The following MAP3K1 variants were observed in gnomAD, a reference collection of about 807,000 sequenced individuals.
MAP3K1 encodes mitogen-activated protein kinase kinase kinase 1.
Under a neutral mutation model 144.2 loss-of-function variants are expected in MAP3K1, and 36 were observed. That is an observed-to-expected ratio of 0.25 (90% CI 0.19 to 0.33). MAP3K1 has a LOEUF of 0.33. Among genes scored for constraint, MAP3K1 ranks in the 10% least tolerant of loss-of-function variants. The pLI, the probability that MAP3K1 is intolerant of heterozygous loss-of-function variation, is 1.00. For missense variants in MAP3K1, 1,650 were observed against 1,881.9 expected (o/e 0.88, Z 2.28); for synonymous variants, 718 against 688.7 (o/e 1.04, Z -0.67).
intron 1 of MAP3K1, among the ~76,000 whole-genome samples, chr5:56,852,434 C>G (rs1432115269): frequency 2.0e-5 from 3 of 152,116 alleles, no homozygotes; most frequent in Non-Finnish European, 4.4e-5. Context: ...GAAACCTAAC[C>G]TCAGGGAGTA....
chr5:56,875,011 C>G (rs1228429185), intron 9 of MAP3K1, 21 bp from the exon 10 acceptor site: 2 of 1,613,592 alleles, frequency 1.2e-6, no homozygotes, highest in Non-Finnish European at 1.7e-6. Flanking sequence ...ACATTGAATT[C>G]ATCGTGTGTG....
At chr5:56,888,436 T>C in intron 19 of MAP3K1, 79 bp downstream of exon 19, 1 of 1,211,846 alleles carries the variant, frequency 8.3e-7, no homozygotes, top group Middle Eastern at 1.9e-4. Context: ...TTTGATGGGT[T>C]CTCCCTAACA....
chr5:56,842,965 A>G (rs890457500), intron 1 of MAP3K1, among the ~76,000 whole-genome samples: 3 of 152,058 alleles, frequency 2.0e-5, no homozygotes, highest in African/African-American at 7.2e-5. Flanking sequence ...CTTCTTCTGT[A>G]TGTGGTATGG....
At chr5:56,837,895 G>A (rs1189039703) in intron 1 of MAP3K1, among the ~76,000 whole-genome samples, 2 of 152,184 alleles carry the variant, frequency 1.3e-5, no homozygotes, top group Non-Finnish European at 2.9e-5. Flanking sequence ...TGGCCAGTGG[G>A]GGAGGCTGAA....
chr5:56,827,616 T>C (rs252918), intron 1 of MAP3K1, among the ~76,000 whole-genome samples: 152,159 of 152,370 alleles, frequency 1, 75,975 homozygotes, highest in Non-Finnish European at 1. Context: ...GTAATCCCAG[T>C]ACTTTGGGAG....
chr5:56,856,576 T>C (rs1399864675), intron 1 of MAP3K1, 24 bp from the exon 2 acceptor site: 2 of 1,595,086 alleles, frequency 1.3e-6, no homozygotes, highest in Non-Finnish European at 1.7e-6. Context: ...TTTCTCATTT[T>C]ATTTGTTTCT....
At chr5:56,871,279 T>G (rs920454699) in intron 6 of MAP3K1, among the ~76,000 whole-genome samples, 1 of 152,180 alleles carries the variant, frequency 6.6e-6, no homozygotes, top group Non-Finnish European at 1.5e-5. Context: ...TGGCATTCAT[T>G]TGGTTGTTTT....
At chr5:56,887,649 C>T (rs781472502) in intron 18 of MAP3K1, 129 bp downstream of exon 18, 46 of 969,726 alleles carry the variant, frequency 4.7e-5, no homozygotes, top group Non-Finnish European at 6.6e-5. Flanking sequence ...CCTTAAAATA[C>T]GGTTTTAATA....
chr5:56,850,550 A>G (rs1747138167), intron 1 of MAP3K1, among the ~76,000 whole-genome samples: 2 of 152,198 alleles, frequency 1.3e-5, no homozygotes, highest in South Asian at 2.1e-4. Context: ...ATTATTATCA[A>G]ATAGGTATCA....
intron 19 of MAP3K1, among the ~76,000 whole-genome samples, chr5:56,891,097 G>A (rs1748535250): frequency 6.6e-6 from 1 of 151,158 alleles, no homozygotes; most frequent in African/African-American, 2.4e-5. Context: ...TCTTAAGTCT[G>A]TGAATATATT....
At chr5:56,864,311 C>T (rs1022861151) in intron 3 of MAP3K1, among the ~76,000 whole-genome samples, 2 of 151,432 alleles carry the variant, frequency 1.3e-5, no homozygotes, top group Non-Finnish European at 2.9e-5. Flanking sequence ...TATTTTAAAT[C>T]TGACATTTTT....
intron 1 of MAP3K1, among the ~76,000 whole-genome samples, chr5:56,816,759 TA>T: frequency 6.6e-6 from 1 of 152,326 alleles, no homozygotes; most frequent in South Asian, 2.1e-4. Flanking sequence ...TGCAGTCTTT[TA>T]GGAAGTGCGG....
At chr5:56,873,517 A>T (rs1747924009) in intron 9 of MAP3K1, among the ~76,000 whole-genome samples, 1 of 152,090 alleles carries the variant, frequency 6.6e-6, no homozygotes, top group Non-Finnish European at 1.5e-5. Context: ...CCATCCCTTT[A>T]CCATCTCTTC....
chr5:56,894,562 T>C lies in MAP3K1; in HGVS notation c.*882T>C. 4.3e-6 allele frequency: 1 copy of C among 232,686 alleles called. No individual in the cohort carries two copies. The highest frequency in any genetic ancestry group is 8.5e-6 in the Non-Finnish European group (1 of 117,694). 14.4% of individuals were successfully genotyped at this position (232,686 alleles called of 1,614,324 possible). ...ACTAAAAATAAACTGTCCTCTCTGG[T>C]GCAACTCACAACCAAGATCAAGATT... On this transcript the variant is annotated 3_prime_UTR_variant, in exon 20 of 20. Transcript: ENST00000399503.
intron 6 of MAP3K1, among the ~76,000 whole-genome samples, chr5:56,869,099 G>C (rs1747772630): frequency 6.6e-6 from 1 of 150,728 alleles, no homozygotes; most frequent in Admixed American, 6.6e-5. Flanking sequence ...AAAAAAAAAA[G>C]AGAAAAGAAA....
chr5:56,842,286 A>C (rs866465902), intron 1 of MAP3K1: 9 of 152,250 alleles, frequency 5.9e-5, no homozygotes, highest in African/African-American at 2.2e-4. Context: ...AGAAGTTATA[A>C]TAACAGCATA....
At position 56,875,213 on chromosome 5, in the gene MAP3K1, C is replaced by T. The variant is rs1238743197; in HGVS notation, c.1868C>T (p.Ser623Phe). 6.2e-7 allele frequency: 1 copy of T among 1,614,068 alleles called. No individual in the cohort carries two copies. ...AGTGGGGGAGCCACCAGTGGGTCTTCCCAGACCAGTATCTCAGGAGATGTG... is the reference window on the plus strand; with the variant it reads ...AGTGGGGGAGCCACCAGTGGGTCTTTCCAGACCAGTATCTCAGGAGATGTG... ...SPSGGATSGS[S>F]QTSISGDVVE... Residue 623 changes from serine to phenylalanine, a missense_variant, in exon 10 of 20, where the codon TCC (serine) becomes TTC (phenylalanine). By Grantham distance (155) the Ser-to-Phe change is radical. Coordinates refer to ENST00000399503, the MANE Select transcript of MAP3K1 (RefSeq NM_005921.2).
chr5:56,817,372 A>G (rs1468940958), intron 1 of MAP3K1, among the ~76,000 whole-genome samples: 2 of 152,184 alleles, frequency 1.3e-5, no homozygotes, highest in Non-Finnish European at 1.5e-5. Flanking sequence ...TGTGAGACGA[A>G]TTTGACAGTA....
chr5:56,832,417 A>G (rs966566223), intron 1 of MAP3K1, among the ~76,000 whole-genome samples: 1 of 152,200 alleles, frequency 6.6e-6, no homozygotes, highest in East Asian at 1.9e-4. Context: ...TGAAATGGCA[A>G]TAATAGTTAA....
Sources: allele counts gnomAD v4.1 joint callset (sites outside exome capture counted in the v4.1 genomes callset), GRCh38; gene constraint gnomAD v4.1.1; transcripts MANE v1.5; gene names NCBI Gene and HGNC (gene_info 2026-07-23, HGNC 2026-07-21).